The following CCDC138 variants were observed in gnomAD, a reference collection of about 807,000 sequenced individuals.
CCDC138 encodes the protein coiled-coil domain containing 138.
Under a neutral mutation model 82.3 loss-of-function variants are expected in CCDC138, and 66 were observed. That is an observed-to-expected ratio of 0.80 (90% confidence interval 0.66 to 0.98). The LOEUF (loss-of-function observed/expected upper bound fraction) is 0.98, where lower values mean the gene tolerates loss of function less well. Among genes scored for constraint, CCDC138 ranks in the 50% least tolerant of loss-of-function variants. The pLI is 0.00. For missense variants in CCDC138, 816 were observed against 758.9 expected (o/e 1.08, Z -0.88); for synonymous variants, 297 against 265.4 (o/e 1.12, Z -1.16).
intron 13 of CCDC138, among the ~76,000 whole-genome samples, chr2:108,868,564 C>T (rs534756141): frequency 2.0e-5 from 3 of 152,286 alleles, no homozygotes; most frequent in East Asian, 3.9e-4. Context: ...AAACTTTCTC[C>T]TCCAGCCTTT....
At chr2:108,806,108 G>A (rs950119379) in intron 7 of CCDC138, among the ~76,000 whole-genome samples, 1 of 151,974 alleles carries the variant, frequency 6.6e-6, no homozygotes, top group African/African-American at 2.4e-5. Context: ...TGATACATAG[G>A]TACCCTTTTT....
intron 3 of CCDC138, among the ~76,000 whole-genome samples, chr2:108,790,096 A>G (rs934744374): frequency 1.3e-5 from 2 of 152,164 alleles, no homozygotes; most frequent in South Asian, 2.1e-4. Context: ...TAATCTGTGT[A>G]ACACACTTTG....
intron 12 of CCDC138, among the ~76,000 whole-genome samples, chr2:108,852,572 T>A (rs1168549284): frequency 6.6e-6 from 1 of 152,136 alleles, no homozygotes; most frequent in Non-Finnish European, 1.5e-5. Flanking sequence ...TATGCAGCCA[T>A]TAAAAAGAAT....
chr2:108,807,955 A>G (rs1683146238), intron 7 of CCDC138, among the ~76,000 whole-genome samples: 1 of 152,138 alleles, frequency 6.6e-6, no homozygotes, highest in Non-Finnish European at 1.5e-5. Flanking sequence ...ACTTCTCCAC[A>G]TTCCTTCCTT....
chr2:108,855,553 T>C (rs189838812), intron 12 of CCDC138, among the ~76,000 whole-genome samples: 34 of 152,316 alleles, frequency 2.2e-4, no homozygotes, highest in Non-Finnish European at 3.1e-4. Flanking sequence ...CTAGCAACTT[T>C]GTTTAACTTA....
At chr2:108,826,595 C>T (rs1345158580) in intron 10 of CCDC138, among the ~76,000 whole-genome samples, 1 of 152,162 alleles carries the variant, frequency 6.6e-6, no homozygotes, top group Non-Finnish European at 1.5e-5. Context: ...ATTCTCAGTT[C>T]CATTCCATTG....
In CCDC138 at chr2:108,798,541, A is replaced by G. The variant is rs1376107774; in HGVS notation, c.690A>G (p.Lys230=). ...FRHENALSKI[K]GVEEEVLTRF... ...ATGAAAATGCCTTGAGTAAAATTAAAGGTGTTGAAGAAGAGGTTCTTACAA... is the reference window on the plus strand; with the variant it reads ...ATGAAAATGCCTTGAGTAAAATTAAGGGTGTTGAAGAAGAGGTTCTTACAA... The change falls in exon 6 of 15, where the codon AAA becomes AAG. Residue 230 remains lysine (K), a synonymous_variant. Transcript: ENST00000295124. 3 of 1,613,632 alleles carry G rather than the reference A, an allele frequency of 1.9e-6. No individual in the cohort carries two copies. The highest frequency in any genetic ancestry group is 1.3e-5 in the African/African-American group (1 of 74,914).
At chr2:108,852,835 A>G (rs763971937) in intron 12 of CCDC138, among the ~76,000 whole-genome samples, 10 of 152,136 alleles carry the variant, frequency 6.6e-5, no homozygotes, top group African/African-American at 9.7e-5. Flanking sequence ...CTGTACAACA[A>G]ACTCCTATGA....
At chr2:108,812,258 C>T (rs1487892924) in intron 7 of CCDC138, among the ~76,000 whole-genome samples, 1 of 151,988 alleles carries the variant, frequency 6.6e-6, no homozygotes, top group East Asian at 1.9e-4. Context: ...ACACATAGTC[C>T]CAGTAATGCA....
intron 3 of CCDC138, among the ~76,000 whole-genome samples, chr2:108,791,397 TA>T (rs1679878970): frequency 6.6e-6 from 1 of 152,192 alleles, no homozygotes; most frequent in Non-Finnish European, 1.5e-5. Context: ...GGAGTCAAAA[TA>T]AAGTGTTCCT....
In CCDC138 at chr2:108,853,907, T is replaced by TAATTTA. The variant is rs1558737277; in HGVS notation, c.1517-2887_1517-2886insAATTTA. ...TATTATATAGTATATATATTATATA[T>TAATTTA]TATATAGTATATATATTATATATAA... On this transcript the variant is annotated intron_variant, in intron 12 of 14. Coordinates refer to ENST00000295124, the MANE Select transcript of CCDC138 (RefSeq NM_144978.3). Among the ~76,000 whole-genome samples the TAATTTA allele has an allele frequency of 2.0e-4, 24 of 121,062 alleles. 1 individual carries two copies. The highest frequency in any genetic ancestry group is 8.1e-4 in the African/African-American group (24 of 29,534). 79.4% of individuals were successfully genotyped at this position (121,062 alleles called of 152,430 possible).
chr2:108,794,404 T>C, intron 4 of CCDC138, 136 bp from the exon 5 acceptor site: 1 of 785,242 alleles, frequency 1.3e-6, no homozygotes, highest in Non-Finnish European at 1.9e-6. Flanking sequence ...ATATTTGCTA[T>C]ATTTTTCTTT....
intron 13 of CCDC138, among the ~76,000 whole-genome samples, chr2:108,863,348 C>G (rs1357053079): frequency 1.3e-5 from 2 of 152,156 alleles, no homozygotes; most frequent in Non-Finnish European, 2.9e-5. Flanking sequence ...TTAGGAAATA[C>G]AATGGGAAGG....
At position 108,804,938 on chromosome 2, in the gene CCDC138, A is replaced by G; in HGVS notation, c.785A>G (p.Asn262Ser). Residue 262 changes from asparagine to serine, a missense_variant, in exon 7 of 15, where the codon AAT becomes AGT. Coordinates refer to ENST00000295124, the MANE Select transcript of CCDC138 (RefSeq NM_144978.3). ...TTAACCGAAGTTCTTAAGGAAAAGAATAAAGAAACCAAGAGACTGAGGTCC... is the reference window on the plus strand; with the variant it reads ...TTAACCGAAGTTCTTAAGGAAAAGAGTAAAGAAACCAAGAGACTGAGGTCC... ...EHLTEVLKEK[N>S]KETKRLRSSF... The G allele has an allele frequency of 2.5e-6, 4 of 1,575,560 alleles. No individual in the cohort carries two copies. The highest frequency in any genetic ancestry group is 1.4e-5 in the African/African-American group (1 of 72,556).
rs141303440 is a variant in CCDC138 at position 108,825,394 on chromosome 2, G to A, written c.1206+9289G>A. Among the ~76,000 whole-genome samples the A allele has an allele frequency of 3.3e-3, 503 of 150,564 alleles. 4 individuals carry two copies. The highest frequency in any genetic ancestry group is 0.012 in the African/African-American group (491 of 41,004). ...TTATTCACAGAGTTGTGCAACCATC[G>A]CCTTAATCAGTTTTAGAACATTTTA... is the stretch of plus-strand genomic sequence containing the variant. On this transcript the variant is annotated intron_variant, in intron 10 of 14. Transcript: ENST00000295124.
intron 14 of CCDC138, 132 bp from the exon 15 acceptor site, chr2:108,875,956 T>A (rs1297183282): frequency 1.7e-6 from 1 of 579,728 alleles, no homozygotes; most frequent in Non-Finnish European, 3.0e-6. Context: ...ATCTTTTAGT[T>A]GCCTATTTTC....
intron 2 of CCDC138, among the ~76,000 whole-genome samples, chr2:108,788,593 T>G (rs865790361): frequency 1.3e-3 from 188 of 142,296 alleles, no homozygotes; most frequent in African/African-American, 4.8e-3. Context: ...GGTGGCGGGC[T>G]CCTGTAGTCC....
At chr2:108,837,719 G>A (rs990260323) in intron 10 of CCDC138, among the ~76,000 whole-genome samples, 1 of 152,064 alleles carries the variant, frequency 6.6e-6, no homozygotes, top group Non-Finnish European at 1.5e-5. Flanking sequence ...CATGTTACTG[G>A]TTTATGTATT....
chr2:108,839,287 G>C lies in CCDC138; in HGVS notation c.1309G>C (p.Asp437His). 6.2e-7 allele frequency: 1 copy of C among 1,611,242 alleles called. No homozygotes were observed. The highest frequency in any genetic ancestry group is 8.5e-7 in the Non-Finnish European group (1 of 1,178,784). ...TATATATTGGTCCCTAAGGCAGCTA[G>C]ATGCTGGAGCACAGGTAATTGGTTA... ...KFIYWSLRQL[D>H]AGAQHSTMTS... The change falls in exon 11 of 15, where the codon GAT becomes CAT. Residue 437 changes from aspartate (D) to histidine (H), a missense_variant. By Grantham distance (81) the Asp-to-His change is moderately conservative (BLOSUM62 -1). Transcript: ENST00000295124.
Sources: gnomAD v4.1 joint callset for allele counts (sites outside exome capture counted in the v4.1 genomes callset) on GRCh38, gnomAD v4.1.1 for gene constraint, MANE v1.5 for transcripts, NCBI Gene and HGNC (gene_info 2026-07-23, HGNC 2026-07-21) for gene names.